ZNF804A: variants seen among roughly 807,000 people sequenced by gnomAD.
The protein encoded by ZNF804A is zinc finger protein 804A.
ZNF804A carries 2 observed loss-of-function variants against 16.5 expected under a neutral mutation model. That is an observed-to-expected ratio of 0.12 (90% CI 0.05 to 0.38). The LOEUF (loss-of-function observed/expected upper bound fraction) is 0.38, where lower values mean the gene tolerates loss of function less well. Ranked by LOEUF, ZNF804A falls within the 10% of genes least tolerant of loss-of-function variation. ZNF804A has a pLI of 0.99. For synonymous variants in ZNF804A, 534 were observed against 489.6 expected (o/e 1.09, Z -1.20); for missense variants, 1,473 against 1,390.7 (o/e 1.06, Z -0.94).
At chr2:184,682,780 G>T (rs1476656158) in intron 1 of ZNF804A, among the ~76,000 whole-genome samples, 1 of 152,168 alleles carries the variant, frequency 6.6e-6, no homozygotes, top group African/African-American at 2.4e-5. Flanking sequence ...GCTGAGGTGG[G>T]TGGATTGCTT....
chr2:184,657,284 G>A (rs748516072), intron 1 of ZNF804A, among the ~76,000 whole-genome samples: 17 of 151,948 alleles, frequency 1.1e-4, no homozygotes, highest in Non-Finnish European at 2.2e-4. Flanking sequence ...TGGGGTTTTC[G>A]CCATGTTGCC....
In ZNF804A at chr2:184,625,365, ATTAG is replaced by A. The variant is rs555576000; in HGVS notation, c.111+26299_111+26302del. On this transcript the variant is annotated intron_variant, in intron 1 of 3. Coordinates refer to ENST00000302277, the MANE Select transcript of ZNF804A (RefSeq NM_194250.2). ...AGTCATAAATTAGATTCCTTGGAAA[ATTAG>A]TTAACTTGAATGTTTAACATTATTA... Among the ~76,000 whole-genome samples the A allele has an allele frequency of 1.3e-3, 201 of 152,234 alleles. 2 individuals are homozygous for A. The highest frequency in any genetic ancestry group is 4.2e-3 in the African/African-American group (174 of 41,552).
chr2:184,838,155 C>A (rs1174894209), intron 1 of ZNF804A, among the ~76,000 whole-genome samples: 1 of 151,900 alleles, frequency 6.6e-6, no homozygotes, highest in Non-Finnish European at 1.5e-5. Flanking sequence ...TTTTATTGTT[C>A]TTATGATTCT....
At chr2:184,835,285 C>A (rs147783387) in intron 1 of ZNF804A, among the ~76,000 whole-genome samples, 25 of 152,254 alleles carry the variant, frequency 1.6e-4, no homozygotes, top group African/African-American at 5.3e-4. Flanking sequence ...CCAGGGCTAT[C>A]CCATTGGCAG....
intron 2 of ZNF804A, among the ~76,000 whole-genome samples, chr2:184,901,126 A>T (rs1685175079): frequency 6.6e-6 from 1 of 152,170 alleles, no homozygotes; most frequent in Non-Finnish European, 1.5e-5. Context: ...TTAAAATGGC[A>T]TGTAGCAATA....
At chr2:184,901,979 A>G (rs1477920100) in intron 2 of ZNF804A, 1 of 152,124 alleles carries the variant, frequency 6.6e-6, no homozygotes, top group African/African-American at 2.4e-5. Context: ...ACACAAATTT[A>G]GCTACCTTTT....
chr2:184,774,141 T>C (rs1694255277), intron 1 of ZNF804A, among the ~76,000 whole-genome samples: 1 of 151,922 alleles, frequency 6.6e-6, no homozygotes, highest in African/African-American at 2.4e-5. Context: ...AATCCTACTA[T>C]TTGATATGTA....
intron 2 of ZNF804A, among the ~76,000 whole-genome samples, chr2:184,888,210 T>C (rs1684926859): frequency 6.6e-6 from 1 of 152,192 alleles, no homozygotes; most frequent in Admixed American, 6.5e-5. Context: ...TTAAATATGA[T>C]TATTTAATTA....
intron 2 of ZNF804A, among the ~76,000 whole-genome samples, chr2:184,866,914 A>C (rs1240070770): frequency 6.6e-6 from 1 of 150,880 alleles, no homozygotes; most frequent in Non-Finnish European, 1.5e-5. Flanking sequence ...ACATATATTT[A>C]TCAAAGTTAA....
At chr2:184,830,664 G>A (rs1695248929) in intron 1 of ZNF804A, among the ~76,000 whole-genome samples, 1 of 151,998 alleles carries the variant, frequency 6.6e-6, no homozygotes, top group African/African-American at 2.4e-5. Context: ...TGGGGAATTG[G>A]ATTTAAAAAG....
intron 1 of ZNF804A, among the ~76,000 whole-genome samples, chr2:184,756,408 T>C (rs1693959808): frequency 6.6e-6 from 1 of 151,946 alleles, no homozygotes; most frequent in Non-Finnish European, 1.5e-5. Flanking sequence ...TTATAATGAA[T>C]ATGTTTCTGT....
At chr2:184,792,340 T>C (rs1026096596) in intron 1 of ZNF804A, among the ~76,000 whole-genome samples, 5 of 152,204 alleles carry the variant, frequency 3.3e-5, no homozygotes, top group Non-Finnish European at 5.9e-5. Flanking sequence ...GTGTTGTCAA[T>C]GTTTTGGACT....
intron 1 of ZNF804A, among the ~76,000 whole-genome samples, chr2:184,863,692 A>G (rs1364374351): frequency 6.6e-6 from 1 of 152,212 alleles, no homozygotes; most frequent in Non-Finnish European, 1.5e-5. Context: ...GATTGTCCAG[A>G]GAGCTAATTC....
intron 1 of ZNF804A, among the ~76,000 whole-genome samples, chr2:184,841,083 A>G (rs1574236466): frequency 6.6e-6 from 1 of 152,140 alleles, no homozygotes; most frequent in African/African-American, 2.4e-5. Context: ...GAACTTTGTT[A>G]TCCAGTCATC....
chr2:184,747,477 A>G (rs893882710), intron 1 of ZNF804A, among the ~76,000 whole-genome samples: 4 of 151,140 alleles, frequency 2.6e-5, no homozygotes, highest in South Asian at 4.1e-4. Flanking sequence ...TGTTTAGAGT[A>G]TGTTTTACAT....
intron 1 of ZNF804A, among the ~76,000 whole-genome samples, chr2:184,825,908 G>C (rs1174877378): frequency 6.6e-6 from 1 of 151,616 alleles, no homozygotes; most frequent in Non-Finnish European, 1.5e-5. Flanking sequence ...GTCTCACTCT[G>C]TCACCCAGGC....
At chr2:184,722,226 A>C (rs147726473) in intron 1 of ZNF804A, among the ~76,000 whole-genome samples, 47 of 152,184 alleles carry the variant, frequency 3.1e-4, no homozygotes, top group Admixed American at 5.2e-4. Flanking sequence ...GTGTGTCTAC[A>C]TCTGCAGCAA....
chr2:184,649,681 A>C (rs1226842111), intron 1 of ZNF804A, among the ~76,000 whole-genome samples: 1 of 152,044 alleles, frequency 6.6e-6, no homozygotes, highest in East Asian at 1.9e-4. Context: ...GAAATGGATA[A>C]ATTCTTCTAG....
At chr2:184,883,967 C>A (rs1282086774) in intron 2 of ZNF804A, among the ~76,000 whole-genome samples, 1 of 151,894 alleles carries the variant, frequency 6.6e-6, no homozygotes, top group African/African-American at 2.4e-5. Context: ...AGCATTCAGG[C>A]CAGAGAAAGA....
Sources: allele counts gnomAD v4.1 joint callset (sites outside exome capture counted in the v4.1 genomes callset), GRCh38; gene constraint gnomAD v4.1.1; transcripts MANE v1.5; gene names NCBI Gene and HGNC (gene_info 2026-07-23, HGNC 2026-07-21).